Variants in ROBO2 observed in about 807,000 individuals in gnomAD.
The protein encoded by ROBO2 is roundabout guidance receptor 2.
In ROBO2, 53 loss-of-function variants were observed where a neutral mutation model predicts 160.8. The ratio of observed to expected loss-of-function variants is 0.33; its 90% CI spans 0.26 to 0.41. The LOEUF is 0.41. ROBO2 is among the 10% of genes least tolerant of loss of function. The probability of loss-of-function intolerance (pLI) is 1.00; values close to 1 mark genes in which losing one functional copy is unlikely to be tolerated. For synonymous variants in ROBO2, 664 were observed against 611.7 expected (o/e 1.09, Z -1.26); for missense variants, 1,577 against 1,722.4 (o/e 0.92, Z 1.49).
At chr3:77,096,713 A>G (rs1578931193) in intron 1 of ROBO2, among the ~76,000 whole-genome samples, 1 of 151,934 alleles carries the variant, frequency 6.6e-6, no homozygotes, top group Non-Finnish European at 1.5e-5. Flanking sequence ...GCCTCCCAAA[A>G]TACTGGGATT....
chr3:77,164,573 G>A (rs1186525648), intron 2 of ROBO2, among the ~76,000 whole-genome samples: 3 of 142,668 alleles, frequency 2.1e-5, no homozygotes, highest in Admixed American at 6.8e-5. Flanking sequence ...CGCCCCGTCC[G>A]GGAGGTGAGG....
exon 22 of ROBO2, chr3:77,617,761 C>T: frequency 1.2e-6 from 2 of 1,612,746 alleles, no homozygotes; most frequent in African/African-American, 2.7e-5. Flanking sequence ...TTTGATATAG[C>T]AAAACAAACA....
At chr3:76,710,864 A>G (rs371712667) in intron 2 of ROBO2, among the ~76,000 whole-genome samples, 2 of 152,184 alleles carry the variant, frequency 1.3e-5, no homozygotes, top group African/African-American at 4.8e-5. Context: ...GATGCGATAG[A>G]AAGTGAGAAA....
intron 2 of ROBO2, among the ~76,000 whole-genome samples, chr3:76,703,187 A>G (rs1474530615): frequency 6.6e-6 from 1 of 152,172 alleles, no homozygotes; most frequent in Non-Finnish European, 1.5e-5. Flanking sequence ...AAGACCATGA[A>G]AGTTGAAATT....
chr3:77,183,279 C>T (rs1161188794), intron 2 of ROBO2, among the ~76,000 whole-genome samples: 1 of 152,054 alleles, frequency 6.6e-6, no homozygotes, highest in Non-Finnish European at 1.5e-5. Flanking sequence ...GGATTACCTT[C>T]TCAACTGGAC....
chr3:77,455,711 T>C, intron 2 of ROBO2, among the ~76,000 whole-genome samples: 1 of 150,406 alleles, frequency 6.6e-6, no homozygotes, highest in Non-Finnish European at 1.5e-5. Context: ...ATTACAGGCG[T>C]GAGCCACCGC....
intron 2 of ROBO2, among the ~76,000 whole-genome samples, chr3:76,517,373 C>A (rs1049428351): frequency 1.3e-5 from 2 of 152,146 alleles, no homozygotes; most frequent in African/African-American, 4.8e-5. Flanking sequence ...AGGAGCCAGG[C>A]ACTGACCTGG....
intron 2 of ROBO2, among the ~76,000 whole-genome samples, chr3:76,478,275 G>C (rs965894105): frequency 6.8e-6 from 1 of 147,886 alleles, no homozygotes; most frequent in African/African-American, 2.5e-5. Context: ...GAGAATATGC[G>C]GTGTTTGCTT....
intron 2 of ROBO2, among the ~76,000 whole-genome samples, chr3:76,592,259 T>G (rs2086460462): frequency 1.3e-5 from 2 of 152,176 alleles, no homozygotes; most frequent in African/African-American, 2.4e-5. Flanking sequence ...AGTTTAGGGT[T>G]GTTTTCCCTG....
chr3:76,825,459 G>A (rs1244499213), intron 2 of ROBO2, among the ~76,000 whole-genome samples: 1 of 151,740 alleles, frequency 6.6e-6, no homozygotes, highest in Non-Finnish European at 1.5e-5. Flanking sequence ...TATTCAATAT[G>A]CAAACTTCCC....
intron 2 of ROBO2, among the ~76,000 whole-genome samples, chr3:77,373,091 AT>A (rs2072026754): frequency 6.8e-6 from 1 of 147,208 alleles, no homozygotes; most frequent in Non-Finnish European, 1.5e-5. Flanking sequence ...TTATAAAATA[AT>A]TAAAATATAA....
intron 2 of ROBO2, among the ~76,000 whole-genome samples, chr3:77,450,108 A>G (rs1006695830): frequency 2.0e-5 from 3 of 152,158 alleles, no homozygotes; most frequent in African/African-American, 7.2e-5. Context: ...GCTCGTTGCT[A>G]ATTTTTAGAT....
chr3:76,640,954 T>C (rs932680006), intron 2 of ROBO2, among the ~76,000 whole-genome samples: 2 of 152,122 alleles, frequency 1.3e-5, no homozygotes, highest in Admixed American at 6.5e-5. Flanking sequence ...GCCCATAGAA[T>C]AAAATACCCA....
chr3:76,393,405 A>C (rs895083458), intron 2 of ROBO2, among the ~76,000 whole-genome samples: 2 of 152,188 alleles, frequency 1.3e-5, no homozygotes, highest in African/African-American at 4.8e-5. Flanking sequence ...GAAAATTTTA[A>C]AATTATGGAG....
chr3:77,354,177 T>C (rs2068735317), intron 2 of ROBO2, among the ~76,000 whole-genome samples: 1 of 152,180 alleles, frequency 6.6e-6, no homozygotes, highest in Non-Finnish European at 1.5e-5. Context: ...CAAAGGGCAA[T>C]ACCAGGAATA....
chr3:77,232,262 T>C (rs148160360), intron 2 of ROBO2, among the ~76,000 whole-genome samples: 23 of 152,222 alleles, frequency 1.5e-4, no homozygotes, highest in Non-Finnish European at 2.9e-4. Context: ...TATAAATTAA[T>C]GGAGTAGGTG....
chr3:76,819,581 T>C (rs1366310077), intron 2 of ROBO2, among the ~76,000 whole-genome samples: 1 of 151,984 alleles, frequency 6.6e-6, no homozygotes, highest in East Asian at 1.9e-4. Context: ...GATCTCTGGG[T>C]CAGTTACAAA....
chr3:76,394,149 G>T (rs947754222), intron 2 of ROBO2, among the ~76,000 whole-genome samples: 1 of 152,060 alleles, frequency 6.6e-6, no homozygotes, highest in Non-Finnish European at 1.5e-5. Flanking sequence ...ATTGTTATGT[G>T]TGAATTTGAT....
At chr3:76,081,139 T>G (rs1446562794) in intron 2 of ROBO2, among the ~76,000 whole-genome samples, 1 of 148,832 alleles carries the variant, frequency 6.7e-6, no homozygotes, top group East Asian at 1.9e-4. Flanking sequence ...TTTATAGTTT[T>G]TTTTTACAAA....
Sources: gnomAD v4.1 joint callset for allele counts (sites outside exome capture counted in the v4.1 genomes callset) on GRCh38, gnomAD v4.1.1 for gene constraint, MANE v1.5 for transcripts, NCBI Gene and HGNC (gene_info 2026-07-23, HGNC 2026-07-21) for gene names.